The following KCNIP4 variants were observed in gnomAD, a reference collection of about 807,000 sequenced individuals.
KCNIP4 encodes the protein potassium voltage-gated channel interacting protein 4.
Under a neutral mutation model 34.0 loss-of-function variants are expected in KCNIP4, and 12 were observed. That is an observed-to-expected ratio of 0.35 (90% CI 0.23 to 0.57). KCNIP4 has a LOEUF of 0.57. KCNIP4 is among the 20% of genes least tolerant of loss of function. The pLI, the probability that KCNIP4 is intolerant of heterozygous loss-of-function variation, is 0.83. For missense variants in KCNIP4, 238 were observed against 311.7 expected (o/e 0.76, Z 1.78); for synonymous variants, 124 against 102.2 (o/e 1.21, Z -1.29).
intron 1 of KCNIP4, among the ~76,000 whole-genome samples, chr4:21,913,041 A>C (rs1362512609): frequency 6.6e-6 from 1 of 152,082 alleles, no homozygotes; most frequent in Admixed American, 6.6e-5. Flanking sequence ...TAGCAAAAAC[A>C]ATCACTAACC....
intron 1 of KCNIP4, among the ~76,000 whole-genome samples, chr4:21,197,955 A>T (rs1166008084): frequency 6.6e-6 from 1 of 152,180 alleles, no homozygotes; most frequent in Non-Finnish European, 1.5e-5. Flanking sequence ...ATGAGAAATC[A>T]CTTATTTAAC....
chr4:20,825,072 T>C (rs961470393), intron 3 of KCNIP4, among the ~76,000 whole-genome samples: 10 of 152,154 alleles, frequency 6.6e-5, no homozygotes, highest in Admixed American at 5.9e-4. Context: ...CTCTCACTAG[T>C]ATCTCATCGT....
intron 1 of KCNIP4, among the ~76,000 whole-genome samples, chr4:21,696,831 T>C (rs2109055769): frequency 6.6e-6 from 1 of 152,276 alleles, no homozygotes. Context: ...CTTCAGCTGT[T>C]TTCATATTTT....
chr4:20,918,678 T>C (rs1018112245), intron 1 of KCNIP4, among the ~76,000 whole-genome samples: 1 of 152,142 alleles, frequency 6.6e-6, no homozygotes, highest in Non-Finnish European at 1.5e-5. Context: ...GCAAGAGTGG[T>C]CTCACCCTGC....
chr4:20,731,798 C>G, intron 8 of KCNIP4: 3 of 985,390 alleles, frequency 3.0e-6, no homozygotes, highest in Non-Finnish European at 3.6e-6. Flanking sequence ...AGGGTTTCCT[C>G]CATAGCCTGA....
intron 1 of KCNIP4, among the ~76,000 whole-genome samples, chr4:21,490,414 C>T (rs907549026): frequency 3.3e-5 from 5 of 152,054 alleles, no homozygotes; most frequent in East Asian, 3.9e-4. Flanking sequence ...ATTGCATCCT[C>T]GACCCCAAGA....
At chr4:21,672,935 C>T (rs768686636) in intron 1 of KCNIP4, among the ~76,000 whole-genome samples, 38 of 152,332 alleles carry the variant, frequency 2.5e-4, no homozygotes, top group Middle Eastern at 3.4e-3. Flanking sequence ...ACTTTCCTGC[C>T]ATGCAGGTTT....
intron 1 of KCNIP4, among the ~76,000 whole-genome samples, chr4:21,039,545 A>C (rs1425660547): frequency 6.6e-6 from 1 of 152,114 alleles, no homozygotes; most frequent in East Asian, 1.9e-4. Context: ...AAAATGTGCC[A>C]GATCCCCACC....
intron 1 of KCNIP4, among the ~76,000 whole-genome samples, chr4:21,560,970 T>C (rs1477045987): frequency 6.6e-6 from 1 of 152,022 alleles, no homozygotes; most frequent in Admixed American, 6.6e-5. Context: ...AAGAAATCAA[T>C]GCTGCCAAAA....
At chr4:20,796,729 C>A (rs997918106) in intron 3 of KCNIP4, among the ~76,000 whole-genome samples, 1 of 151,416 alleles carries the variant, frequency 6.6e-6, no homozygotes, top group Non-Finnish European at 1.5e-5. Context: ...AAGTTTAGGA[C>A]CCCAAATAAA....
chr4:21,096,876 G>C (rs1292116770), intron 1 of KCNIP4, among the ~76,000 whole-genome samples: 1 of 152,052 alleles, frequency 6.6e-6, no homozygotes, highest in African/African-American at 2.4e-5. Flanking sequence ...TGACTGAGGA[G>C]GGCTCCTGAA....
chr4:21,754,252 C>T (rs1301078717), intron 1 of KCNIP4, among the ~76,000 whole-genome samples: 2 of 152,118 alleles, frequency 1.3e-5, no homozygotes, highest in African/African-American at 2.4e-5. Context: ...TATCCATCTC[C>T]AACTACCACC....
chr4:20,893,855 A>T (rs1726212577), intron 1 of KCNIP4, among the ~76,000 whole-genome samples: 1 of 152,142 alleles, frequency 6.6e-6, no homozygotes, highest in Admixed American at 6.5e-5. Flanking sequence ...GCAAGCTAAC[A>T]CAAATAACTC....
chr4:21,775,978 A>T (rs7695521), intron 1 of KCNIP4, among the ~76,000 whole-genome samples: 8,626 of 152,150 alleles, frequency 0.057, 820 homozygotes, highest in African/African-American at 0.19. Flanking sequence ...GTCACCCCTC[A>T]CTCCAGGAGT....
chr4:20,886,768 A>G (rs1725359429), intron 1 of KCNIP4, among the ~76,000 whole-genome samples: 1 of 152,208 alleles, frequency 6.6e-6, no homozygotes, highest in Non-Finnish European at 1.5e-5. Context: ...GAATAGACCT[A>G]AAGCTAGAAA....
chr4:21,436,853 A>G (rs1726981274), intron 1 of KCNIP4, among the ~76,000 whole-genome samples: 1 of 152,168 alleles, frequency 6.6e-6, no homozygotes, highest in Non-Finnish European at 1.5e-5. Context: ...ATGGTAGCAG[A>G]CCACACTTAT....
rs556020224 is a variant in KCNIP4 at position 20,829,774 on chromosome 4, T to G, written c.288+20769A>C. 4.6e-5 allele frequency among the ~76,000 whole-genome samples: 7 copies of G among 152,226 alleles called. 1 individual carries two copies. In the South Asian group the frequency reaches 1.5e-3, roughly 32 times the overall value. ...TTCCTCTCACTCTGCTCTGTCAGAG[T>G]GATATTTCTTAAACATCAATGTGAC... On this transcript the variant is annotated intron_variant, in intron 3 of 8. Transcript: ENST00000382152.
intron 1 of KCNIP4, among the ~76,000 whole-genome samples, chr4:21,791,680 T>A (rs533906184): frequency 6.6e-6 from 1 of 152,186 alleles, no homozygotes; most frequent in South Asian, 2.1e-4. Context: ...TTCCTTAACA[T>A]ACTTAGTATT....
intron 4 of KCNIP4, 119 bp from the exon 5 acceptor site, chr4:20,749,851 G>T: frequency 1.7e-6 from 1 of 601,198 alleles, no homozygotes. Context: ...TTTAGTTTGT[G>T]CTTTCTTCAC....
Sources: gnomAD v4.1 joint callset for allele counts (sites outside exome capture counted in the v4.1 genomes callset) on GRCh38, gnomAD v4.1.1 for gene constraint, MANE v1.5 for transcripts, NCBI Gene and HGNC (gene_info 2026-07-23, HGNC 2026-07-21) for gene names.